KIF6: variants seen among roughly 807,000 people sequenced by gnomAD.
KIF6 encodes kinesin family member 6, also known as kinesin-like protein KIF6.
Under a neutral mutation model 112.7 loss-of-function variants are expected in KIF6, and 106 were observed. That is an observed-to-expected ratio of 0.94 (90% CI 0.80 to 1.11). KIF6 has a LOEUF of 1.11. Ranked by LOEUF, KIF6 falls within the 50% of genes least tolerant of loss-of-function variation. The pLI, the probability that KIF6 is intolerant of heterozygous loss-of-function variation, is 0.00. For missense variants in KIF6, 929 were observed against 964.0 expected (o/e 0.96, Z 0.48); for synonymous variants, 339 against 339.9 (o/e 1.00, Z 0.03).
At chr6:39,687,193 T>G (rs1024202748) in intron 3 of KIF6, among the ~76,000 whole-genome samples, 3 of 152,110 alleles carry the variant, frequency 2.0e-5, no homozygotes, top group Admixed American at 2.0e-4. Context: ...CAATGAATAC[T>G]GAGTGGTGAA....
chr6:39,472,732 A>G (rs1049641429), intron 13 of KIF6, among the ~76,000 whole-genome samples: 2 of 152,206 alleles, frequency 1.3e-5, no homozygotes, highest in African/African-American at 4.8e-5. Flanking sequence ...GCTTTTACAG[A>G]TGAGCCCTGG....
chr6:39,454,671 C>G (rs1345719688), intron 13 of KIF6, among the ~76,000 whole-genome samples: 2 of 152,250 alleles, frequency 1.3e-5, no homozygotes, highest in African/African-American at 2.4e-5. Context: ...GCACACCGTG[C>G]GCGAGCCGAA....
At chr6:39,500,274 C>G (rs974706276) in intron 13 of KIF6, among the ~76,000 whole-genome samples, 1 of 152,108 alleles carries the variant, frequency 6.6e-6, no homozygotes, top group Admixed American at 6.5e-5. Context: ...TGCAAGAATA[C>G]AAGAGAGAAA....
At chr6:39,380,273 A>C (rs1321248131) in intron 16 of KIF6, among the ~76,000 whole-genome samples, 1 of 152,108 alleles carries the variant, frequency 6.6e-6, no homozygotes, top group Non-Finnish European at 1.5e-5. Context: ...GTTCTTAGAG[A>C]TGGTTATTGA....
intron 3 of KIF6, among the ~76,000 whole-genome samples, chr6:39,687,937 G>A (rs1787970158): frequency 1.3e-5 from 2 of 152,158 alleles, no homozygotes; most frequent in African/African-American, 4.8e-5. Flanking sequence ...ATTCATAGAG[G>A]GTCTTGTGAC....
At chr6:39,383,260 A>T (rs1767123057) in intron 16 of KIF6, among the ~76,000 whole-genome samples, 1 of 152,202 alleles carries the variant, frequency 6.6e-6, no homozygotes, top group Non-Finnish European at 1.5e-5. Flanking sequence ...CTAGAAAAGT[A>T]TATCCTAGGT....
intron 13 of KIF6, among the ~76,000 whole-genome samples, chr6:39,502,899 A>G (rs1776212803): frequency 6.6e-6 from 1 of 152,154 alleles, no homozygotes; most frequent in African/African-American, 2.4e-5. Flanking sequence ...GTAGGGGGAG[A>G]CTGTAACACC....
At chr6:39,549,357 C>T (rs1182545470) in intron 10 of KIF6, among the ~76,000 whole-genome samples, 2 of 152,180 alleles carry the variant, frequency 1.3e-5, no homozygotes, top group East Asian at 3.8e-4. Flanking sequence ...ATGCTGGACA[C>T]TCTTCTGTGC....
chr6:39,493,332 T>C (rs1265987603), intron 13 of KIF6, among the ~76,000 whole-genome samples: 1 of 152,234 alleles, frequency 6.6e-6, no homozygotes, highest in African/African-American at 2.4e-5. Flanking sequence ...TACCATAAAG[T>C]GGTTAAGTGA....
At chr6:39,523,244 C>T (rs993106447) in intron 13 of KIF6, among the ~76,000 whole-genome samples, 3 of 152,030 alleles carry the variant, frequency 2.0e-5, no homozygotes, top group Non-Finnish European at 4.4e-5. Flanking sequence ...CTGGCTTGGT[C>T]GAGGTCCTTA....
intron 2 of KIF6, among the ~76,000 whole-genome samples, chr6:39,719,806 T>G (rs1790097528): frequency 6.6e-6 from 1 of 152,152 alleles, no homozygotes; most frequent in African/African-American, 2.4e-5. Context: ...AATTTTCTAC[T>G]AGCCACGTTT....
chr6:39,415,301 T>TA (rs5875672), intron 15 of KIF6, among the ~76,000 whole-genome samples: 6,156 of 89,356 alleles, frequency 0.069, 194 homozygotes, highest in Non-Finnish European at 0.079. Context: ...TTTTAAAATG[T>TA]AAAAAAAAAA....
rs147179359 is a variant in KIF6, at chr6:39,723,867, C to T, written c.66+1378G>A. ...ACGTGAGAAACCTGTACGTTCTGCA[C>T]ATGCACCCCAGGACTTAAAGTATAA... On this transcript the variant is annotated intron_variant, in intron 1 of 22. Coordinates refer to ENST00000287152, the MANE Select transcript of KIF6 (RefSeq NM_145027.6). 2.5e-3 allele frequency among the ~76,000 whole-genome samples: 385 copies of T among 152,188 alleles called. 3 individuals are homozygous for T. The highest frequency in any genetic ancestry group is 9.0e-3 in the African/African-American group (374 of 41,512).
At chr6:39,359,006 G>A (rs77155794) in intron 18 of KIF6, among the ~76,000 whole-genome samples, 4 of 152,190 alleles carry the variant, frequency 2.6e-5, no homozygotes, top group African/African-American at 7.2e-5. Flanking sequence ...TTTGATAACC[G>A]TATTTCATTC....
At chr6:39,349,504 A>G (rs1388649913) in intron 19 of KIF6, among the ~76,000 whole-genome samples, 1 of 151,454 alleles carries the variant, frequency 6.6e-6, no homozygotes, top group African/African-American at 2.4e-5. Flanking sequence ...CTGACAGTGG[A>G]GGGAGGGATG....
At chr6:39,550,995 TTGA>T (rs1779346222) in intron 10 of KIF6, among the ~76,000 whole-genome samples, 1 of 152,230 alleles carries the variant, frequency 6.6e-6, no homozygotes, top group Admixed American at 6.5e-5. Flanking sequence ...TATTCATCTG[TTGA>T]TGGACACAGG....
intron 13 of KIF6, among the ~76,000 whole-genome samples, chr6:39,527,913 G>A (rs1390551195): frequency 2.0e-5 from 3 of 151,996 alleles, no homozygotes; most frequent in Non-Finnish European, 4.4e-5. Context: ...AATTCAATGT[G>A]GAATAATTAA....
At chr6:39,523,766 A>C (rs1030414642) in intron 13 of KIF6, among the ~76,000 whole-genome samples, 2 of 144,112 alleles carry the variant, frequency 1.4e-5, no homozygotes, top group African/African-American at 5.2e-5. Context: ...CCTATCTGGG[A>C]ATAGTTGGCA....
At chr6:39,700,838 G>C (rs112851472) in intron 3 of KIF6, among the ~76,000 whole-genome samples, 8 of 151,678 alleles carry the variant, frequency 5.3e-5, no homozygotes, top group Middle Eastern at 3.4e-3. Context: ...TCAACCTCCC[G>C]AGTAGCTGGG....
Sources: gnomAD v4.1 joint callset for allele counts (sites outside exome capture counted in the v4.1 genomes callset) on GRCh38, gnomAD v4.1.1 for gene constraint, MANE v1.5 for transcripts, NCBI Gene and HGNC (gene_info 2026-07-23, HGNC 2026-07-21) for gene names.